Variants in SKAP1 observed in about 807,000 individuals in gnomAD.
The protein encoded by SKAP1 is src kinase-associated phosphoprotein 1.
SKAP1 carries 44 observed loss-of-function variants against 58.5 expected under a neutral mutation model. The observed-to-expected ratio is 0.75, with a 90% CI of 0.59 to 0.97. The LOEUF is 0.97. SKAP1 is among the 50% of genes least tolerant of loss of function. The pLI is 0.00. For synonymous variants in SKAP1, 127 were observed against 149.7 expected (o/e 0.85, Z 1.11); for missense variants, 390 against 435.2 (o/e 0.90, Z 0.92).
chr17:48,184,748 G>T lies in SKAP1; in HGVS notation c.542C>A (p.Thr181Asn), dbSNP rs750065617. 4 of 1,614,042 alleles carry T rather than the reference G, an allele frequency of 2.5e-6. No homozygotes were observed. The East Asian group carries it at 8.9e-5, about 36-fold the overall frequency. Residue 181 changes from threonine (T) to asparagine (N), a missense_variant, in exon 7 of 13, where the codon ACC (threonine) becomes AAC (asparagine). Physicochemically the swap from Thr to Asn is moderately conservative, Grantham distance 65. Coordinates refer to ENST00000336915, the MANE Select transcript of SKAP1 (RefSeq NM_003726.4). ...CTCATAGCTGCGCCTATCCTGGGAG[G>T]TCAGTTCAAAGCAGGATTCTTTCTT... is the stretch of plus-strand genomic sequence containing the variant. ...DSKKESCFELTSQDRRSYEFT... is the reference protein window; with the variant it reads ...DSKKESCFELNSQDRRSYEFT...
At chr17:48,255,353 CTTTT>C (rs1555608859) in intron 4 of SKAP1, among the ~76,000 whole-genome samples, 1 of 151,346 alleles carries the variant, frequency 6.6e-6, no homozygotes, top group Non-Finnish European at 1.5e-5. Context: ...TAGGCAAGTT[CTTTT>C]TTTATTTCTT....
At chr17:48,421,274 TACAC>T (rs1270075927) in intron 1 of SKAP1, among the ~76,000 whole-genome samples, 2 of 151,676 alleles carry the variant, frequency 1.3e-5, no homozygotes, top group East Asian at 1.9e-4. Flanking sequence ...ATACTAGTTT[TACAC>T]ACACAAAATA....
At chr17:48,435,326 G>T in the SKAP1 span, among the ~76,000 whole-genome samples, 65,812 of 151,474 alleles carry the variant, frequency 0.43, 14,884 homozygotes, top group African/African-American at 0.57. Flanking sequence ...GACCAAAGAG[G>T]TTGCTGACTC....
intron 1 of SKAP1, among the ~76,000 whole-genome samples, chr17:48,421,283 A>G (rs1450569094): frequency 6.6e-6 from 1 of 151,410 alleles, no homozygotes; most frequent in Non-Finnish European, 1.5e-5. Context: ...TTACACACAC[A>G]AAATAGAGTG....
At chr17:48,328,117 G>A (rs2066461671) in intron 4 of SKAP1, among the ~76,000 whole-genome samples, 1 of 152,110 alleles carries the variant, frequency 6.6e-6, no homozygotes, top group African/African-American at 2.4e-5. Context: ...TGCTACATGT[G>A]AGATGTGTGA....
chr17:48,286,507 C>A (rs2065831802), intron 4 of SKAP1, among the ~76,000 whole-genome samples: 1 of 152,164 alleles, frequency 6.6e-6, no homozygotes. Context: ...ATTGCCATTG[C>A]AATTGCTATA....
upstream of SKAP1, among the ~76,000 whole-genome samples, chr17:48,431,108 T>G (rs997748028): frequency 1.3e-5 from 2 of 152,180 alleles, no homozygotes; most frequent in South Asian, 4.1e-4. Flanking sequence ...GAAAAAAGTA[T>G]AAAGTGCTAT....
chr17:48,188,655 C>T (rs1479437862), intron 5 of SKAP1, among the ~76,000 whole-genome samples: 1 of 151,760 alleles, frequency 6.6e-6, no homozygotes, highest in Non-Finnish European at 1.5e-5. Flanking sequence ...TACTGTATTC[C>T]AGCCTTGGTA....
chr17:48,345,951 C>T lies in SKAP1; in HGVS notation c.234G>A (p.Leu78=), dbSNP rs1325048661. 3 of 1,613,780 alleles carry T rather than the reference C, an allele frequency of 1.9e-6. No individual in the cohort carries two copies. The highest frequency in any genetic ancestry group is 2.5e-6 in the Non-Finnish European group (3 of 1,179,826). ...SDDNHSGTLG[L]SLTSDAPFLS... ...AAAAGGGTGCATCGGATGTGAGGGA[C>T]AGGCCAAGAGTCCCGCTGTGATTAT... Residue 78 remains leucine, a synonymous_variant, in exon 4 of 13, where the codon CTG becomes CTA. Coordinates refer to ENST00000336915, the MANE Select transcript of SKAP1 (RefSeq NM_003726.4).
At chr17:48,415,983 C>T (rs1033697291) in intron 1 of SKAP1, among the ~76,000 whole-genome samples, 3 of 152,170 alleles carry the variant, frequency 2.0e-5, no homozygotes, top group Non-Finnish European at 4.4e-5. Context: ...AAAATATTGT[C>T]TATAGTCCTC....
At chr17:48,301,176 T>C (rs2066051660) in intron 4 of SKAP1, among the ~76,000 whole-genome samples, 1 of 152,134 alleles carries the variant, frequency 6.6e-6, no homozygotes, top group Admixed American at 6.5e-5. Context: ...TTAGGTAACA[T>C]ATACCCACAG....
chr17:48,275,988 A>G (rs937484818), intron 4 of SKAP1, among the ~76,000 whole-genome samples: 2 of 152,176 alleles, frequency 1.3e-5, no homozygotes, highest in African/African-American at 4.8e-5. Flanking sequence ...GAGAGTTTAT[A>G]AGAAGGGGGA....
intron 1 of SKAP1, among the ~76,000 whole-genome samples, chr17:48,424,930 C>CAA (rs11430293): frequency 3.4e-4 from 29 of 84,440 alleles, no homozygotes; most frequent in African/African-American, 1.0e-3. Context: ...GACTCTGTCT[C>CAA]AAAAAAAAAA....
chr17:48,431,967 C>T (rs1228541124), upstream of SKAP1, among the ~76,000 whole-genome samples: 5 of 152,118 alleles, frequency 3.3e-5, no homozygotes, highest in Non-Finnish European at 7.4e-5. Context: ...GGGTGTGATC[C>T]TTTAAGGAGT....
intron 1 of SKAP1, among the ~76,000 whole-genome samples, chr17:48,405,629 T>G (rs1369521004): frequency 6.6e-6 from 1 of 151,430 alleles, no homozygotes; most frequent in Admixed American, 6.6e-5. Context: ...GCCTCCTGAG[T>G]AGCTGGGATT....
At chr17:48,204,563 T>A (rs1462531797) in intron 4 of SKAP1, 1 of 152,182 alleles carries the variant, frequency 6.6e-6, no homozygotes, top group Non-Finnish European at 1.5e-5. Flanking sequence ...TCATGATTTT[T>A]AGGAACCCCA....
intron 4 of SKAP1, among the ~76,000 whole-genome samples, chr17:48,317,339 T>C (rs1363192892): frequency 6.6e-6 from 1 of 152,232 alleles, no homozygotes; most frequent in Non-Finnish European, 1.5e-5. Flanking sequence ...ATTTCTTTTT[T>C]AGGGGTCAAT....
chr17:48,410,047 G>C (rs2067642403), intron 1 of SKAP1, among the ~76,000 whole-genome samples: 1 of 152,168 alleles, frequency 6.6e-6, no homozygotes, highest in African/African-American at 2.4e-5. Flanking sequence ...ACAGGCAAAA[G>C]GAACTGAACA....
chr17:48,410,544 G>A (rs1335735929), intron 1 of SKAP1, among the ~76,000 whole-genome samples: 2 of 152,028 alleles, frequency 1.3e-5, no homozygotes, highest in African/African-American at 4.8e-5. Flanking sequence ...TATAAGATGA[G>A]CCTAAAGGAT....
Sources: allele counts gnomAD v4.1 joint callset (sites outside exome capture counted in the v4.1 genomes callset), GRCh38; gene constraint gnomAD v4.1.1; transcripts MANE v1.5; gene names NCBI Gene and HGNC (gene_info 2026-07-23, HGNC 2026-07-21).